Variants in VGLL4 observed in about 807,000 individuals in gnomAD.
VGLL4 encodes the protein vestigial like family member 4, also known as transcription cofactor vestigial-like protein 4.
In VGLL4, 7 loss-of-function variants were observed where a neutral mutation model predicts 21.0. The ratio of observed to expected loss-of-function variants is 0.33; its 90% confidence interval spans 0.19 to 0.63. The LOEUF (loss-of-function observed/expected upper bound fraction) is 0.63. VGLL4 is among the 20% of genes least tolerant of loss of function. The probability of loss-of-function intolerance (pLI) is 0.78; values close to 1 mark genes in which losing one functional copy is unlikely to be tolerated. For synonymous variants in VGLL4, 222 were observed against 173.2 expected (o/e 1.28, Z -2.21); for missense variants, 394 against 425.7 (o/e 0.93, Z 0.66).
intron 2 of VGLL4, among the ~76,000 whole-genome samples, chr3:11,580,142 A>C (rs2074184705): frequency 2.0e-5 from 3 of 152,170 alleles, no homozygotes. Context: ...TCCTCTTCCC[A>C]AACTCTGCAC....
intron 2 of VGLL4, among the ~76,000 whole-genome samples, chr3:11,689,350 G>T (rs1338239687): frequency 1.3e-5 from 2 of 152,080 alleles, no homozygotes; most frequent in East Asian, 1.9e-4. Flanking sequence ...CTGACTTTTT[G>T]ATCGTTCTGC....
At chr3:11,589,594 G>A (rs918554371) in intron 2 of VGLL4, among the ~76,000 whole-genome samples, 44 of 152,324 alleles carry the variant, frequency 2.9e-4, no homozygotes, top group African/African-American at 9.4e-4. Flanking sequence ...CTTATGAAAA[G>A]GGGATGAAGG....
intron 2 of VGLL4, among the ~76,000 whole-genome samples, chr3:11,683,536 T>C (rs1367294716): frequency 6.6e-6 from 1 of 152,196 alleles, no homozygotes; most frequent in Non-Finnish European, 1.5e-5. Flanking sequence ...TCAACTTCAG[T>C]GCTCATCAAT....
At chr3:11,593,425 T>C (rs1220287610) in intron 2 of VGLL4, among the ~76,000 whole-genome samples, 3 of 152,252 alleles carry the variant, frequency 2.0e-5, no homozygotes, top group Non-Finnish European at 4.4e-5. Context: ...TTCTTCTTAC[T>C]GAGTTCCTAT....
chr3:11,620,045 C>T (rs2075235168), intron 1 of VGLL4, among the ~76,000 whole-genome samples: 1 of 94,598 alleles, frequency 1.1e-5, no homozygotes, highest in African/African-American at 3.1e-5. Context: ...GAGAGAGTGC[C>T]ACCCCCCGGC....
At chr3:11,622,984 G>C (rs2075292841) in intron 1 of VGLL4, among the ~76,000 whole-genome samples, 1 of 152,152 alleles carries the variant, frequency 6.6e-6, no homozygotes, top group Non-Finnish European at 1.5e-5. Context: ...CTTGGTATTT[G>C]AGCAAATATC....
At chr3:11,577,472 A>G (rs974111637) in intron 2 of VGLL4, among the ~76,000 whole-genome samples, 3 of 152,100 alleles carry the variant, frequency 2.0e-5, no homozygotes, top group African/African-American at 7.2e-5. Flanking sequence ...GCATGCCTGT[A>G]GTCCCAGCTA....
chr3:11,600,293 G>T (rs1344039689), intron 2 of VGLL4, among the ~76,000 whole-genome samples: 1 of 151,686 alleles, frequency 6.6e-6, no homozygotes, highest in East Asian at 1.9e-4. Flanking sequence ...CAGCTGTTGT[G>T]TGGCAGAATC....
intron 1 of VGLL4, among the ~76,000 whole-genome samples, chr3:11,717,407 C>T (rs1162283609): frequency 6.6e-6 from 1 of 151,098 alleles, no homozygotes; most frequent in Non-Finnish European, 1.5e-5. Flanking sequence ...AATAAACTCT[C>T]CCTTTGGATT....
chr3:11,681,624 AT>A (rs1346730284), intron 2 of VGLL4, among the ~76,000 whole-genome samples: 1 of 152,222 alleles, frequency 6.6e-6, no homozygotes, highest in Admixed American at 6.5e-5. Context: ...GATGAAAAAA[AT>A]GTTTTACTAT....
At chr3:11,654,171 T>C (rs1031538324) in intron 2 of VGLL4, among the ~76,000 whole-genome samples, 15 of 152,286 alleles carry the variant, frequency 9.8e-5, no homozygotes, top group African/African-American at 2.4e-4. Context: ...CAAATCATTA[T>C]TGGGCATTTT....
intron 1 of VGLL4, among the ~76,000 whole-genome samples, chr3:11,714,596 T>C (rs4684077): frequency 2.3e-4 from 34 of 151,092 alleles, no homozygotes; most frequent in Admixed American, 1.6e-3. Flanking sequence ...AAATGAACCA[T>C]GTTTTTCTTT....
chr3:11,586,516 C>T (rs2074365457), intron 2 of VGLL4, among the ~76,000 whole-genome samples: 1 of 152,214 alleles, frequency 6.6e-6, no homozygotes, highest in South Asian at 2.1e-4. Context: ...AGTCAGGCCT[C>T]TGATGGTACA....
rs114520752 is a variant in VGLL4, at chr3:11,674,109, C to T, written c.64+28862G>A. Among the ~76,000 whole-genome samples the T allele has an allele frequency of 2.5e-3, 377 of 151,984 alleles. 2 individuals are homozygous for T. The highest frequency in any genetic ancestry group is 8.6e-3 in the African/African-American group (357 of 41,444). On this transcript the variant is annotated intron_variant, in intron 2 of 5. Transcript: ENST00000273038. The stretch of plus-strand genomic sequence containing the variant: ...AGGCAATGGAGCTCGCCTCCAAAAC[C>T]CTGAAGAAAAATCTACAACTGGGAA...
intron 2 of VGLL4, among the ~76,000 whole-genome samples, chr3:11,566,255 C>CG (rs2073507143): frequency 6.6e-6 from 1 of 152,184 alleles, no homozygotes; most frequent in South Asian, 2.1e-4. Flanking sequence ...ATGTGATAGG[C>CG]GTACCTTTCT....
At position 11,556,548 on chromosome 3, in the gene VGLL4, A is replaced by G. The variant is rs2072430019; in HGVS notation, c.*2008T>C. Reference sequence around the variant, plus strand: ...AACTCGTGGCTATGAATGCAGATGCAGTGTTCTCATAGAATAACTGTTCCT... The same window carrying G: ...AACTCGTGGCTATGAATGCAGATGCGGTGTTCTCATAGAATAACTGTTCCT... On this transcript the variant is annotated 3_prime_UTR_variant, in exon 5 of 5. Transcript: ENST00000430365. 6.5e-6 allele frequency: 1 copy of G among 152,742 alleles called. No individual in the cohort carries two copies. Among genetic ancestry groups the G allele is most frequent in the African/African-American group, 2.4e-5 (1 of 41,448 alleles). 9.5% of individuals were successfully genotyped at this position (152,742 alleles called of 1,614,324 possible). A position where few individuals can be genotyped will look rare whatever the true frequency, so the allele number is the denominator to read the frequency against.
At chr3:11,576,956 T>G (rs1302820593) in intron 2 of VGLL4, among the ~76,000 whole-genome samples, 1 of 152,222 alleles carries the variant, frequency 6.6e-6, no homozygotes, top group Non-Finnish European at 1.5e-5. Flanking sequence ...CAAGTCACTG[T>G]CTAGAACAGG....
intron 2 of VGLL4, among the ~76,000 whole-genome samples, chr3:11,569,114 T>C (rs1340739429): frequency 6.6e-6 from 1 of 152,178 alleles, no homozygotes; most frequent in African/African-American, 2.4e-5. Context: ...ATTGAAAGAA[T>C]CCATCACGTG....
chr3:11,698,733 T>A (rs1325905646), intron 2 of VGLL4, among the ~76,000 whole-genome samples: 3 of 152,228 alleles, frequency 2.0e-5, no homozygotes, highest in African/African-American at 4.8e-5. Flanking sequence ...GATAAGCAAC[T>A]ATTGTGTTAC....
Sources: allele counts gnomAD v4.1 joint callset (sites outside exome capture counted in the v4.1 genomes callset), GRCh38; gene constraint gnomAD v4.1.1; transcripts MANE v1.5; gene names NCBI Gene and HGNC (gene_info 2026-07-23, HGNC 2026-07-21).